The following COL4A3 variants were observed in gnomAD, a reference collection of about 807,000 sequenced individuals.
COL4A3 encodes the protein collagen alpha-3(IV) chain.
Under a neutral mutation model 217.4 loss-of-function variants are expected in COL4A3, and 135 were observed. The ratio of observed to expected loss-of-function variants is 0.62; its 90% CI spans 0.54 to 0.72. COL4A3 has a LOEUF of 0.72. COL4A3 is among the 30% of genes least tolerant of loss of function. The pLI, the probability that COL4A3 is intolerant of heterozygous loss-of-function variation, is 0.00. For synonymous variants in COL4A3, 690 were observed against 736.3 expected (o/e 0.94, Z 1.02); for missense variants, 1,868 against 2,119.9 (o/e 0.88, Z 2.33).
intron 19 of COL4A3, 126 bp from the exon 20 acceptor site, chr2:227,260,956 G>C: frequency 1.3e-6 from 1 of 768,698 alleles, no homozygotes; most frequent in Admixed American, 2.1e-5. Context: ...GTCTAGGTGA[G>C]AGTAGGAAAA....
intron 1 of COL4A3, among the ~76,000 whole-genome samples, chr2:227,236,858 A>G (rs1033192972): frequency 6.6e-6 from 1 of 152,066 alleles, no homozygotes; most frequent in Non-Finnish European, 1.5e-5. Context: ...ATGGGGTTTC[A>G]TCAGGTTGGC....
intron 34 of COL4A3, among the ~76,000 whole-genome samples, chr2:227,284,731 T>G (rs1349719000): frequency 1.3e-5 from 2 of 152,214 alleles, no homozygotes; most frequent in Non-Finnish European, 2.9e-5. Flanking sequence ...AAATTCAACT[T>G]TATTCTGTAG....
chr2:227,283,312 T>G (rs2072100891), intron 32 of COL4A3, among the ~76,000 whole-genome samples: 1 of 152,220 alleles, frequency 6.6e-6, no homozygotes, highest in Admixed American at 6.5e-5. Context: ...CTTTCATTCA[T>G]GTTATTGGGC....
chr2:227,227,559 C>G (rs989897826), intron 1 of COL4A3, among the ~76,000 whole-genome samples: 3 of 152,064 alleles, frequency 2.0e-5, no homozygotes, highest in African/African-American at 7.2e-5. Context: ...AAATGCAACA[C>G]TGCACCTGAG....
intron 21 of COL4A3, 95 bp from the exon 22 acceptor site, chr2:227,266,322 G>A (rs777086229): frequency 9.6e-6 from 9 of 940,340 alleles, no homozygotes; most frequent in Non-Finnish European, 1.4e-5. Context: ...ATACAAAGAT[G>A]AGAGAGATGC....
chr2:227,296,850 C>CCTCCCTCTCCTT lies in COL4A3; in HGVS notation c.3566-809_3566-798dup, dbSNP rs1205827634. ...CCCAAGCCCTCCCCTGAGCTATTAG[C>CCTCCCTCTCCTT]CTCCCTCTCCTTCTCCCTCTCCTTC... On this transcript the variant is annotated intron_variant, in intron 41 of 51. Coordinates refer to ENST00000396578, the MANE Select transcript of COL4A3 (RefSeq NM_000091.5). 9.9e-5 allele frequency among the ~76,000 whole-genome samples: 15 copies of CCTCCCTCTCCTT among 152,248 alleles called. No homozygotes were observed. In the East Asian group the frequency reaches 2.7e-3, roughly 27 times the overall value.
Position 227,253,075 on chromosome 2 carries a change from G to A in COL4A3, c.646-221G>A, listed in dbSNP as rs533240186. Among the ~76,000 whole-genome samples the A allele has an allele frequency of 6.6e-6, 1 of 152,158 alleles. No homozygotes were observed. Among genetic ancestry groups the A allele is most frequent in the Non-Finnish European group, 1.5e-5 (1 of 68,042 alleles). ...CCCACACCACTGCATGTCAGCATTTGCCATGTTAGGTAAATCCCTTAAGCT... is the reference window on the plus strand; with the variant it reads ...CCCACACCACTGCATGTCAGCATTTACCATGTTAGGTAAATCCCTTAAGCT... On this transcript the variant is annotated intron_variant, in intron 11 of 51. Transcript: ENST00000396578. This position sits in a 1 kb window ranked among gnomAD's most constrained non-coding sequence, Gnocchi z 4.4.
chr2:227,232,390 T>G (rs10084183), intron 1 of COL4A3, among the ~76,000 whole-genome samples: 48,771 of 152,114 alleles, frequency 0.32, 8,262 homozygotes, highest in Non-Finnish European at 0.36. Context: ...AGATACCCAA[T>G]AGTGGGATTG....
At chr2:227,285,442 C>T (rs2072261448) in intron 34 of COL4A3, among the ~76,000 whole-genome samples, 1 of 151,842 alleles carries the variant, frequency 6.6e-6, no homozygotes, top group African/African-American at 2.4e-5. Context: ...AAGAATATTG[C>T]ATTTCATTTT....
chr2:227,191,786 A>G lies in COL4A3; in HGVS notation c.87+26973A>G, dbSNP rs1330880143. ...GTAATTATGAAGGCTAAAAATAAAG[A>G]TTTTTTTCATAATTAGTTTCTGGAA... On this transcript the variant is annotated intron_variant, in intron 1 of 51. Transcript: ENST00000396578. This position sits in a 1 kb window ranked among gnomAD's most constrained non-coding sequence, Gnocchi z 6.8. Among the ~76,000 whole-genome samples, 1 of 152,186 alleles carries G rather than the reference A, an allele frequency of 6.6e-6. No homozygotes were observed. The highest frequency in any genetic ancestry group is 1.5e-5 in the Non-Finnish European group (1 of 68,034).
chr2:227,168,351 G>A (rs999649240), intron 1 of COL4A3, among the ~76,000 whole-genome samples: 8 of 152,226 alleles, frequency 5.3e-5, no homozygotes, highest in African/African-American at 1.9e-4. Context: ...GTGCTTAGAT[G>A]TTAATGGTGT....
chr2:227,171,464 A>T (rs989234400), intron 1 of COL4A3, among the ~76,000 whole-genome samples: 3 of 152,198 alleles, frequency 2.0e-5, no homozygotes, highest in Non-Finnish European at 2.9e-5. Flanking sequence ...TAAACAGGAA[A>T]GTTGAGGTGT....
intron 1 of COL4A3, among the ~76,000 whole-genome samples, chr2:227,220,165 T>TGTG (rs58155070): frequency 1.4e-5 from 2 of 147,234 alleles, no homozygotes; most frequent in Non-Finnish European, 3.0e-5. Context: ...TGTGTGTGTG[T>TGTG]TTCAGAGACA....
At position 227,304,163 on chromosome 2, in the gene COL4A3, T is replaced by C; in HGVS notation, c.4153+19T>C. Reference sequence around the variant, plus strand: ...AACCTAGGTGTGGGACTGGCAGCATTGACTTGGATCACTAGGAAGTGGTTG... The same window carrying C: ...AACCTAGGTGTGGGACTGGCAGCATCGACTTGGATCACTAGGAAGTGGTTG... On this transcript the variant is annotated intron_variant, in intron 46 of 51. Coordinates refer to ENST00000396578, the MANE Select transcript of COL4A3 (RefSeq NM_000091.5). The C allele has an allele frequency of 6.2e-7, 1 of 1,613,550 alleles. No individual in the cohort carries two copies. The highest frequency in any genetic ancestry group is 8.5e-7 in the Non-Finnish European group (1 of 1,179,908).
chr2:227,235,178 T>C (rs1384424646), intron 1 of COL4A3, among the ~76,000 whole-genome samples: 1 of 152,140 alleles, frequency 6.6e-6, no homozygotes, highest in African/African-American at 2.4e-5. Context: ...CTTGCATTTC[T>C]GAGGACTTGC....
At chr2:227,265,539 T>C (rs1331649269) in intron 21 of COL4A3, 1 of 152,248 alleles carries the variant, frequency 6.6e-6, no homozygotes, top group Non-Finnish European at 1.5e-5. Flanking sequence ...GCAGATAATG[T>C]GGAAGCTGAG....
rs1183783020 is a variant in COL4A3 at position 227,295,358 on chromosome 2, AG to A, written c.3565+44del. On this transcript the variant is annotated intron_variant, in intron 41 of 51. Coordinates refer to ENST00000396578, the MANE Select transcript of COL4A3 (RefSeq NM_000091.5). ...CCCTGTCCTAATGTACACATTTTCAAGGAGAGAAAGCAGTTGAATATGCTTG... is the reference window on the plus strand; with the variant it reads ...CCCTGTCCTAATGTACACATTTTCAAGAGAGAAAGCAGTTGAATATGCTTG... The A allele has an allele frequency of 3.2e-6, 5 of 1,574,064 alleles. No homozygotes were observed. The African/African-American group carries it at 4.0e-5, about 13-fold the overall frequency.
chr2:227,291,580 CAAAA>C (rs1212189875), intron 37 of COL4A3, among the ~76,000 whole-genome samples: 1 of 31,598 alleles, frequency 3.2e-5, no homozygotes, highest in Non-Finnish European at 1.1e-4. Flanking sequence ...AAAAAAAAAA[CAAAA>C]AAAAAAAACA....
chr2:227,251,543 C>T (rs558069373), intron 11 of COL4A3, among the ~76,000 whole-genome samples, 172 bp downstream of exon 11: 7 of 152,298 alleles, frequency 4.6e-5, no homozygotes, highest in African/African-American at 1.7e-4. Flanking sequence ...CCTTGCATTT[C>T]AGTACCTTGA....
Sources: gnomAD v4.1 joint callset for allele counts (sites outside exome capture counted in the v4.1 genomes callset) on GRCh38, gnomAD v4.1.1 for gene constraint, Gnocchi (gnomAD v3.1) non-coding constraint, MANE v1.5 for transcripts, NCBI Gene and HGNC (gene_info 2026-07-23, HGNC 2026-07-21) for gene names.